The following BRINP3 variants were observed in gnomAD, a reference collection of about 807,000 sequenced individuals.
BRINP3 encodes the protein BMP/retinoic acid-inducible neural-specific protein 3.
A neutral mutation model predicts 71.0 loss-of-function variants in BRINP3; 19 were observed. The ratio of observed to expected loss-of-function variants is 0.27; its 90% CI spans 0.19 to 0.39. BRINP3 has a LOEUF of 0.39. BRINP3 is among the 10% of genes least tolerant of loss of function. BRINP3 has a pLI of 1.00. For missense variants in BRINP3, 959 were observed against 940.8 expected, an observed-to-expected ratio of 1.02 and a Z score of -0.25; for synonymous variants, 380 against 337.7, an observed-to-expected ratio of 1.13 and a Z score of -1.37.
At chr1:190,258,274 G>T (rs1048563241) in intron 4 of BRINP3, among the ~76,000 whole-genome samples, 1 of 152,178 alleles carries the variant, frequency 6.6e-6, no homozygotes, top group African/African-American at 2.4e-5. Context: ...GGCTCCGTGG[G>T]CATGGGACCT....
At chr1:190,285,274 T>A (rs1284544371) in intron 2 of BRINP3, among the ~76,000 whole-genome samples, 1 of 152,122 alleles carries the variant, frequency 6.6e-6, no homozygotes, top group Non-Finnish European at 1.5e-5. Flanking sequence ...GAATACAAGA[T>A]AAGACATTAC....
intron 2 of BRINP3, among the ~76,000 whole-genome samples, chr1:190,291,835 T>C (rs1004842233): frequency 2.0e-5 from 3 of 152,152 alleles, no homozygotes; most frequent in Admixed American, 1.3e-4. Context: ...TGAAGAGATA[T>C]CTGCACTTCC....
chr1:190,283,708 C>G (rs1294533032), intron 2 of BRINP3, among the ~76,000 whole-genome samples: 1 of 149,710 alleles, frequency 6.7e-6, no homozygotes, highest in East Asian at 1.9e-4. Context: ...CATTTGAAAT[C>G]AAATATTTAA....
At chr1:190,334,538 C>T (rs923972526) in intron 2 of BRINP3, among the ~76,000 whole-genome samples, 21 of 151,614 alleles carry the variant, frequency 1.4e-4, no homozygotes, top group Admixed American at 7.3e-4. Flanking sequence ...GACTCTTATC[C>T]TTGAATAAGG....
intron 5 of BRINP3, among the ~76,000 whole-genome samples, chr1:190,230,640 A>T (rs1657883093): frequency 6.6e-6 from 1 of 151,750 alleles, no homozygotes; most frequent in Non-Finnish European, 1.5e-5. Flanking sequence ...ATACAAATAT[A>T]AAAAAAGTAT....
chr1:190,365,707 T>A (rs927927954), intron 2 of BRINP3, among the ~76,000 whole-genome samples: 4 of 145,906 alleles, frequency 2.7e-5, no homozygotes, highest in African/African-American at 9.9e-5. Flanking sequence ...AATATTATAT[T>A]ATAATAGTGC....
intron 7 of BRINP3, among the ~76,000 whole-genome samples, chr1:190,117,325 T>C (rs542638778): frequency 3.3e-5 from 5 of 152,118 alleles, no homozygotes; most frequent in African/African-American, 1.2e-4. Flanking sequence ...AAATAATTGT[T>C]GAAAACCTGA....
At chr1:190,278,910 G>T (rs1402593987) in intron 3 of BRINP3, among the ~76,000 whole-genome samples, 1 of 151,216 alleles carries the variant, frequency 6.6e-6, no homozygotes, top group East Asian at 1.9e-4. Flanking sequence ...CCAAAATGTG[G>T]CATCCACCAT....
rs539719566 is a variant in BRINP3 at position 190,474,037 on chromosome 1, G to A, written c.-51+3411C>T. 2.2e-4 allele frequency among the ~76,000 whole-genome samples: 33 copies of A among 152,134 alleles called. No individual in the cohort carries two copies. The South Asian group carries it at 6.8e-3, about 32-fold the overall frequency. Reference sequence around the variant, plus strand: ...CTTCACCTGTCCTTTATATATTAAGGTCTGGGACCTTAAGAAGAAGCAATG... The same window carrying A: ...CTTCACCTGTCCTTTATATATTAAGATCTGGGACCTTAAGAAGAAGCAATG... On this transcript the variant is annotated intron_variant, in intron 1 of 7. Transcript: ENST00000367462.
chr1:190,218,122 A>G (rs1423359379), intron 6 of BRINP3, among the ~76,000 whole-genome samples: 1 of 151,798 alleles, frequency 6.6e-6, no homozygotes, highest in African/African-American at 2.4e-5. Flanking sequence ...AACTATATAC[A>G]CCATATAGCC....
intron 2 of BRINP3, among the ~76,000 whole-genome samples, chr1:190,300,981 G>A (rs1358701551): frequency 1.3e-5 from 2 of 151,760 alleles, no homozygotes; most frequent in Non-Finnish European, 2.9e-5. Flanking sequence ...ATTACTCTGA[G>A]CTACGGGAGG....
intron 2 of BRINP3, among the ~76,000 whole-genome samples, chr1:190,368,042 C>T (rs1669620499): frequency 6.6e-6 from 1 of 152,118 alleles, no homozygotes; most frequent in Non-Finnish European, 1.5e-5. Flanking sequence ...TTTGGGGTAT[C>T]TTCAGAGCAG....
intron 2 of BRINP3, among the ~76,000 whole-genome samples, chr1:190,326,017 T>G (rs1666556194): frequency 6.6e-6 from 1 of 151,896 alleles, no homozygotes; most frequent in Non-Finnish European, 1.5e-5. Context: ...CAAGACAAGG[T>G]TGAAAATTGA....
intron 2 of BRINP3, among the ~76,000 whole-genome samples, chr1:190,305,019 AC>A (rs1664996588): frequency 2.0e-5 from 3 of 152,078 alleles, no homozygotes; most frequent in East Asian, 3.9e-4. Flanking sequence ...AAAATTCTCA[AC>A]ATTATTAATC....
chr1:190,264,647 A>T (rs1661491844), intron 4 of BRINP3, among the ~76,000 whole-genome samples: 2 of 152,204 alleles, frequency 1.3e-5, no homozygotes, highest in Non-Finnish European at 2.9e-5. Flanking sequence ...ACATTTAACC[A>T]TGAAAAATCT....
At chr1:190,108,769 C>G (rs1404830393) in intron 7 of BRINP3, among the ~76,000 whole-genome samples, 1 of 151,422 alleles carries the variant, frequency 6.6e-6, no homozygotes, top group Non-Finnish European at 1.5e-5. Context: ...ACCTCAGTGA[C>G]AAGACTTCTC....
chr1:190,207,007 T>C (rs1354766226), intron 6 of BRINP3, among the ~76,000 whole-genome samples: 9 of 150,672 alleles, frequency 6.0e-5, no homozygotes, highest in African/African-American at 1.7e-4. Flanking sequence ...TTTTTTTTTT[T>C]CAGAAAAGTG....
At chr1:190,463,073 T>C (rs1676501602) in intron 1 of BRINP3, among the ~76,000 whole-genome samples, 2 of 151,880 alleles carry the variant, frequency 1.3e-5, no homozygotes, top group South Asian at 4.2e-4. Context: ...ATTTATTGGG[T>C]TGAAAAGTAT....
chr1:190,149,565 T>C (rs763083431), intron 7 of BRINP3, among the ~76,000 whole-genome samples: 10 of 152,002 alleles, frequency 6.6e-5, no homozygotes, highest in Non-Finnish European at 1.2e-4. Flanking sequence ...AGCATGTACG[T>C]TTTTGTATAC....
Sources: allele counts gnomAD v4.1 joint callset (sites outside exome capture counted in the v4.1 genomes callset), GRCh38; gene constraint gnomAD v4.1.1; transcripts MANE v1.5; gene names NCBI Gene and HGNC (gene_info 2026-07-23, HGNC 2026-07-21).